MIPEP: variants seen among roughly 807,000 people sequenced by gnomAD.
MIPEP encodes mitochondrial intermediate peptidase.
A neutral mutation model predicts 90.3 loss-of-function variants in MIPEP; 79 were observed. That is an observed-to-expected ratio of 0.87 (90% CI 0.73 to 1.05). The LOEUF is 1.05. Among genes scored for constraint, MIPEP ranks in the 50% least tolerant of loss-of-function variants. The pLI is 0.00. For missense variants in MIPEP, 940 were observed against 905.6 expected (o/e 1.04, Z -0.49); for synonymous variants, 334 against 315.8 (o/e 1.06, Z -0.61).
chr13:23,827,996 T>A (rs557349321), intron 14 of MIPEP, among the ~76,000 whole-genome samples: 2 of 152,272 alleles, frequency 1.3e-5, no homozygotes, highest in African/African-American at 4.8e-5. Flanking sequence ...ATAACTATTA[T>A]TTAGGACCAA....
chr13:23,811,441 T>C (rs1953170056), intron 14 of MIPEP, among the ~76,000 whole-genome samples: 1 of 152,162 alleles, frequency 6.6e-6, no homozygotes, highest in African/African-American at 2.4e-5. Context: ...AGTTAAACTT[T>C]GAGGCTAGAA....
At chr13:23,888,909 T>C (rs1593215596) in intron 1 of MIPEP, 1 of 531,938 alleles carries the variant, frequency 1.9e-6, no homozygotes. Context: ...CAGAAGCAGT[T>C]CCCGGACCCG....
intron 18 of MIPEP, among the ~76,000 whole-genome samples, chr13:23,739,896 G>A (rs1264249430): frequency 1.3e-5 from 2 of 152,248 alleles, no homozygotes; most frequent in Non-Finnish European, 2.9e-5. Flanking sequence ...TCTGTTCTGA[G>A]GAACTTCATG....
rs79405165 is a variant in MIPEP, at chr13:23,776,829, A to G, written c.1849-16612T>C. On this transcript the variant is annotated intron_variant, in intron 16 of 18. Transcript: ENST00000382172. Reference sequence around the variant, plus strand: ...GCTTGTGACCTGCATTAAAAAAAAAAAAGAAGAAAATGGGACAGAAAATAT... The same window carrying G: ...GCTTGTGACCTGCATTAAAAAAAAAGAAGAAGAAAATGGGACAGAAAATAT... Among the ~76,000 whole-genome samples the G allele has an allele frequency of 0.029, 4,400 of 152,154 alleles. 363 individuals carry two copies. In the East Asian group the frequency reaches 0.31, roughly 11 times the overall value.
chr13:23,770,695 G>T (rs1417298711), intron 16 of MIPEP, among the ~76,000 whole-genome samples: 1 of 152,024 alleles, frequency 6.6e-6, no homozygotes, highest in East Asian at 1.9e-4. Context: ...ACCAGAGACC[G>T]CCACTGCCCC....
intron 7 of MIPEP, among the ~76,000 whole-genome samples, chr13:23,867,502 T>A (rs2148237): frequency 6.6e-6 from 1 of 152,292 alleles, no homozygotes; most frequent in East Asian, 1.9e-4. Context: ...GTTTTCTCCA[T>A]GGCTTGTATT....
At chr13:23,825,115 G>A (rs1283275374) in intron 14 of MIPEP, among the ~76,000 whole-genome samples, 1 of 152,204 alleles carries the variant, frequency 6.6e-6, no homozygotes, top group Non-Finnish European at 1.5e-5. Context: ...TAAAGGAGCA[G>A]AAAAGTCTCA....
Position 23,802,027 on chromosome 13 carries a change from A to C in MIPEP, c.1848+3923T>G, listed in dbSNP as rs376707594. 3.3e-4 allele frequency among the ~76,000 whole-genome samples: 50 copies of C among 152,266 alleles called. No individual in the cohort carries two copies. The East Asian group carries it at 6.8e-3, about 21-fold the overall frequency. On this transcript the variant is annotated intron_variant, in intron 16 of 18. Coordinates refer to ENST00000382172, the MANE Select transcript of MIPEP (RefSeq NM_005932.4). ...AGGGCAGTCCATATTCAGATTTCAC[A>C]GATCTGTTCTGCAAAGTGGTTATAC...
chr13:23,785,624 T>C, intron 16 of MIPEP, among the ~76,000 whole-genome samples: 1 of 119,290 alleles, frequency 8.4e-6, no homozygotes. Flanking sequence ...TAAAGTATAA[T>C]AAAAAAAAAA....
At chr13:23,737,657 A>C (rs114386364) in intron 18 of MIPEP, among the ~76,000 whole-genome samples, 193 of 152,282 alleles carry the variant, frequency 1.3e-3, no homozygotes, top group African/African-American at 4.5e-3. Flanking sequence ...CAGCATACTC[A>C]TGGCCTCACC....
intron 5 of MIPEP, among the ~76,000 whole-genome samples, chr13:23,872,721 T>C (rs1870875680): frequency 6.6e-6 from 1 of 152,154 alleles, no homozygotes; most frequent in South Asian, 2.1e-4. Flanking sequence ...AAAGAGGAGC[T>C]ACACTGTAAT....
At chr13:23,764,595 G>A (rs1015652258) in intron 16 of MIPEP, among the ~76,000 whole-genome samples, 1 of 152,174 alleles carries the variant, frequency 6.6e-6, no homozygotes, top group African/African-American at 2.4e-5. Context: ...GTCTCACTCT[G>A]TGACTCAGGC....
At chr13:23,767,416 T>C (rs1267006495) in intron 16 of MIPEP, among the ~76,000 whole-genome samples, 1 of 152,148 alleles carries the variant, frequency 6.6e-6, no homozygotes, top group Non-Finnish European at 1.5e-5. Flanking sequence ...ATATACCTTG[T>C]GTCTTTGTGA....
chr13:23,838,615 T>C (rs1869162556), intron 12 of MIPEP, among the ~76,000 whole-genome samples: 1 of 152,198 alleles, frequency 6.6e-6, no homozygotes, highest in African/African-American at 2.4e-5. Flanking sequence ...ACTTTTCAGA[T>C]GATAAAACTA....
intron 16 of MIPEP, among the ~76,000 whole-genome samples, chr13:23,782,611 A>G (rs1952792833): frequency 6.6e-6 from 1 of 152,348 alleles, no homozygotes; most frequent in East Asian, 1.9e-4. Context: ...AGATCAGAGA[A>G]GAACTGAAGG....
intron 16 of MIPEP, among the ~76,000 whole-genome samples, chr13:23,778,510 C>A (rs930093013): frequency 6.6e-6 from 1 of 152,242 alleles, no homozygotes; most frequent in African/African-American, 2.4e-5. Context: ...AATGGCTAGC[C>A]TTGGGGAGCA....
At chr13:23,797,201 TC>T (rs1443729877) in intron 16 of MIPEP, among the ~76,000 whole-genome samples, 1 of 151,970 alleles carries the variant, frequency 6.6e-6, no homozygotes, top group Non-Finnish European at 1.5e-5. Flanking sequence ...CTCCTCAATT[TC>T]CCCTCATCCT....
chr13:23,797,272 C>T (rs1422672558), intron 16 of MIPEP, among the ~76,000 whole-genome samples: 2 of 152,154 alleles, frequency 1.3e-5, no homozygotes, highest in Non-Finnish European at 2.9e-5. Context: ...CTTCACTAGA[C>T]TAATGACTCC....
rs545093375 is a variant in MIPEP, at chr13:23,843,834, G to A, written c.1107-2346C>T. 2.0e-5 allele frequency among the ~76,000 whole-genome samples: 3 copies of A among 152,328 alleles called. No homozygotes were observed. In the South Asian group the frequency reaches 6.2e-4, roughly 32 times the overall value. ...CAGGACTGTGTGAGTGATTGGATTTGGAGGGTGATGAGAAAGACAGAACAA... is the reference window on the plus strand; with the variant it reads ...CAGGACTGTGTGAGTGATTGGATTTAGAGGGTGATGAGAAAGACAGAACAA... On this transcript the variant is annotated intron_variant, in intron 10 of 18. Coordinates refer to ENST00000382172, the MANE Select transcript of MIPEP (RefSeq NM_005932.4).
Sources: allele counts gnomAD v4.1 joint callset (sites outside exome capture counted in the v4.1 genomes callset), GRCh38; gene constraint gnomAD v4.1.1; transcripts MANE v1.5; gene names NCBI Gene and HGNC (gene_info 2026-07-23, HGNC 2026-07-21).